Variants in ASNS observed in about 807,000 individuals in gnomAD.
ASNS encodes the protein asparagine synthetase [glutamine-hydrolyzing].
ASNS carries 37 observed loss-of-function variants against 62.6 expected under a neutral mutation model. The observed-to-expected ratio is 0.59, with a 90% CI of 0.45 to 0.78. The LOEUF (loss-of-function observed/expected upper bound fraction) is 0.78, where lower values mean the gene tolerates loss of function less well. Ranked by LOEUF, ASNS falls within the 30% of genes least tolerant of loss-of-function variation. The pLI is 0.00. For synonymous variants in ASNS, 207 were observed against 237.9 expected, an observed-to-expected ratio of 0.87 and a Z score of 1.19; for missense variants, 520 against 682.4, an observed-to-expected ratio of 0.76 and a Z score of 2.65.
chr7:97,856,857 A>AG (rs1562814904), intron 7 of ASNS, 41 bp from the exon 8 acceptor site: 1 of 1,536,138 alleles, frequency 6.5e-7, no homozygotes, highest in Admixed American at 2.0e-5. Context: ...GTTAAAGAAA[A>AG]TAACTTCCCT....
intron 3 of ASNS, among the ~76,000 whole-genome samples, chr7:97,868,064 T>C (rs1792058947): frequency 6.6e-6 from 1 of 152,028 alleles, no homozygotes; most frequent in African/African-American, 2.4e-5. Flanking sequence ...TGGTAGCACT[T>C]TGAGAGGTCA....
the ASNS span, among the ~76,000 whole-genome samples, chr7:97,887,682 G>A: frequency 6.6e-6 from 1 of 152,358 alleles, no homozygotes; most frequent in Admixed American, 6.5e-5. Flanking sequence ...GCTCATGCTA[G>A]ATTGACCAAT....
the ASNS span, among the ~76,000 whole-genome samples, chr7:97,918,201 A>T: frequency 5.1e-4 from 77 of 152,122 alleles, no homozygotes; most frequent in Non-Finnish European, 9.6e-4. Context: ...TCGTGCCATC[A>T]TCTGCAGAAG....
At chr7:97,865,864 C>T (rs1041994469) in intron 3 of ASNS, among the ~76,000 whole-genome samples, 14 of 152,098 alleles carry the variant, frequency 9.2e-5, no homozygotes, top group African/African-American at 3.4e-4. Context: ...TGGGGAAATC[C>T]GGGCATGTGT....
chr7:97,928,368 G>C, the ASNS span: 35 of 916,058 alleles, frequency 3.8e-5, no homozygotes, highest in African/African-American at 6.0e-4. Flanking sequence ...GGCGGAGCTG[G>C]GGCGTCTGAG....
the ASNS span, among the ~76,000 whole-genome samples, chr7:97,900,125 C>T: frequency 3.3e-5 from 5 of 151,904 alleles, no homozygotes; most frequent in Admixed American, 6.6e-5. Flanking sequence ...TTTGGGAGAC[C>T]GAGGCAGGTG....
At chr7:97,900,828 T>A in the ASNS span, among the ~76,000 whole-genome samples, 1 of 152,030 alleles carries the variant, frequency 6.6e-6, no homozygotes, top group African/African-American at 2.4e-5. Flanking sequence ...GCACGTATAA[T>A]CTTGACTGTA....
intron 10 of ASNS, 84 bp from the exon 11 acceptor site, chr7:97,853,470 T>C (rs760605425): frequency 3.5e-6 from 4 of 1,150,730 alleles, no homozygotes; most frequent in Non-Finnish European, 5.1e-6. Context: ...TTCCCATCAA[T>C]TCAACCAGAT....
chr7:97,864,309 A>G lies in ASNS; in HGVS notation c.437T>C (p.Phe146Ser), dbSNP rs1476175517. 1.2e-6 allele frequency: 2 copies of G among 1,613,622 alleles called. No homozygotes were observed. Among genetic ancestry groups the G allele is most frequent in the Non-Finnish European group, 1.7e-6 (2 of 1,179,770 alleles). The change falls in exon 4 of 13, where the codon TTT becomes TCT. Residue 146 changes from phenylalanine (F) to serine (S), a missense_variant. Transcript: ENST00000394308. Reference sequence around the variant, plus strand: ...AAATCCATCTTCTGTCATTGCTTTAAACAAAGGTCTGACTCCATATGTATC... The same window carrying G: ...AAATCCATCTTCTGTCATTGCTTTAGACAAAGGTCTGACTCCATATGTATC... ...GRDTYGVRPL[F>S]KAMTEDGFLA... is the part of the protein sequence containing the mutation.
chr7:97,923,065 C>T, the ASNS span, among the ~76,000 whole-genome samples: 1 of 152,132 alleles, frequency 6.6e-6, no homozygotes, highest in East Asian at 1.9e-4. Context: ...GCTGGGATTA[C>T]AGGTGTGAGC....
chr7:97,858,727 C>T (rs1584463878), intron 6 of ASNS, 127 bp downstream of exon 6: 1 of 939,478 alleles, frequency 1.1e-6, no homozygotes, highest in Non-Finnish European at 1.6e-6. Flanking sequence ...AAATCATTTC[C>T]ATCCTATAAT....
At chr7:97,855,230 C>A in intron 9 of ASNS, 123 bp downstream of exon 9, 1 of 663,478 alleles carries the variant, frequency 1.5e-6, no homozygotes, top group Non-Finnish European at 2.5e-6. Context: ...ATCAGATTCC[C>A]TTTTGTAACC....
the ASNS span, among the ~76,000 whole-genome samples, chr7:97,887,755 A>C: frequency 6.6e-6 from 1 of 152,234 alleles, no homozygotes; most frequent in Non-Finnish European, 1.5e-5. Flanking sequence ...TGAGATTTGG[A>C]GTGACTTGTT....
intron 4 of ASNS, among the ~76,000 whole-genome samples, chr7:97,860,027 A>G (rs1791638408): frequency 6.6e-6 from 1 of 152,204 alleles, no homozygotes; most frequent in Non-Finnish European, 1.5e-5. Flanking sequence ...ACAAACATCA[A>G]TGTTTTATTG....
chr7:97,926,674 T>C, the ASNS span, among the ~76,000 whole-genome samples: 1 of 152,168 alleles, frequency 6.6e-6, no homozygotes, highest in African/African-American at 2.4e-5. Context: ...ACTGAGCAGA[T>C]ACAGGCGCCG....
At chr7:97,877,186 C>T (rs1428902260), upstream of ASNS, among the ~76,000 whole-genome samples, 1 of 151,438 alleles carries the variant, frequency 6.6e-6, no homozygotes, top group Non-Finnish European at 1.5e-5. Context: ...CCTCCACCTC[C>T]TGGGTTCAAG....
the ASNS span, among the ~76,000 whole-genome samples, chr7:97,888,326 CT>C: frequency 0.057 from 7,521 of 132,364 alleles, 343 homozygotes; most frequent in African/African-American, 0.13. Context: ...GGGTTGCTTT[CT>C]TTTTTTTTTT....
chr7:97,897,322 C>T, the ASNS span, among the ~76,000 whole-genome samples: 1 of 152,138 alleles, frequency 6.6e-6, no homozygotes, highest in Non-Finnish European at 1.5e-5. Flanking sequence ...TAGGCAATAC[C>T]ATCCGGTACG....
At chr7:97,909,313 T>A in the ASNS span, among the ~76,000 whole-genome samples, 15 of 121,340 alleles carry the variant, frequency 1.2e-4, no homozygotes, top group East Asian at 5.5e-4. Context: ...TTTTTTTTTT[T>A]TTTTTTTTGA....
Sources: allele counts gnomAD v4.1 joint callset (sites outside exome capture counted in the v4.1 genomes callset), GRCh38; gene constraint gnomAD v4.1.1; transcripts MANE v1.5; gene names NCBI Gene and HGNC (gene_info 2026-07-23, HGNC 2026-07-21).